Variants in LRRTM3 observed in about 807,000 individuals in gnomAD.
The protein encoded by LRRTM3 is leucine rich repeat transmembrane neuronal 3, also known as leucine-rich repeat transmembrane neuronal protein 3.
LRRTM3 carries 24 observed loss-of-function variants against 44.7 expected under a neutral mutation model. That is an observed-to-expected ratio of 0.54 (90% CI 0.39 to 0.76). The LOEUF (loss-of-function observed/expected upper bound fraction) is 0.76, where lower values mean the gene tolerates loss of function less well. Among genes scored for constraint, LRRTM3 ranks in the 30% least tolerant of loss-of-function variants. The probability of loss-of-function intolerance (pLI) is 0.00; values close to 1 mark genes in which losing one functional copy is unlikely to be tolerated. For missense variants in LRRTM3, 587 were observed against 702.2 expected (o/e 0.84, Z 1.85); for synonymous variants, 277 against 278.7 (o/e 0.99, Z 0.06).
chr10:67,080,564 T>C (rs1056313425), intron 2 of LRRTM3, among the ~76,000 whole-genome samples: 1 of 152,144 alleles, frequency 6.6e-6, no homozygotes, highest in African/African-American at 2.4e-5. Flanking sequence ...GCTTGCTTAT[T>C]GGATTTATTC....
At position 66,989,008 on chromosome 10, in the gene LRRTM3, A is replaced by G. The variant is rs932635606; in HGVS notation, c.1536+60556A>G. Among the ~76,000 whole-genome samples the G allele has an allele frequency of 2.6e-5, 4 of 152,016 alleles. No homozygotes were observed. The South Asian group carries it at 8.3e-4, about 32-fold the overall frequency. On this transcript the variant is annotated intron_variant, in intron 2 of 2. Coordinates refer to ENST00000361320, the MANE Select transcript of LRRTM3 (RefSeq NM_178011.5). ...GATGTTTCCTCTCACTTAAAAAAAAAAAATCCCTTTTCTACCTCTCTTTTA... is the reference window on the plus strand; with the variant it reads ...GATGTTTCCTCTCACTTAAAAAAAAGAAATCCCTTTTCTACCTCTCTTTTA...
intron 2 of LRRTM3, among the ~76,000 whole-genome samples, chr10:66,941,500 C>T (rs1270688561): frequency 6.6e-6 from 1 of 152,120 alleles, no homozygotes; most frequent in Non-Finnish European, 1.5e-5. Context: ...GGAATCTTCA[C>T]CTCTTTCCTT....
At chr10:67,027,589 C>T (rs1234408972) in intron 2 of LRRTM3, among the ~76,000 whole-genome samples, 1 of 151,926 alleles carries the variant, frequency 6.6e-6, no homozygotes, top group Non-Finnish European at 1.5e-5. Context: ...TGTGCGCCAC[C>T]ATGCCCAGCT....
At chr10:67,041,294 T>C (rs1854378201) in intron 2 of LRRTM3, among the ~76,000 whole-genome samples, 1 of 152,112 alleles carries the variant, frequency 6.6e-6, no homozygotes, top group Non-Finnish European at 1.5e-5. Context: ...CTTCCAGCCT[T>C]ATGGAGAGTT....
intron 2 of LRRTM3, among the ~76,000 whole-genome samples, chr10:66,935,111 C>T (rs969725935): frequency 7.2e-5 from 11 of 152,064 alleles, no homozygotes; most frequent in Non-Finnish European, 1.3e-4. Flanking sequence ...AAAGAATATG[C>T]TTACCAACAG....
chr10:66,941,029 GA>G (rs1040816259), intron 2 of LRRTM3, among the ~76,000 whole-genome samples: 2 of 152,112 alleles, frequency 1.3e-5, no homozygotes, highest in Admixed American at 6.5e-5. Context: ...ATAAAAAAAA[GA>G]AAGCCCAACA....
intron 2 of LRRTM3, among the ~76,000 whole-genome samples, chr10:67,001,569 A>G (rs1851695196): frequency 1.3e-5 from 2 of 152,054 alleles, no homozygotes; most frequent in South Asian, 4.1e-4. Flanking sequence ...AAAAAACCTT[A>G]TAATATATCA....
intron 2 of LRRTM3, among the ~76,000 whole-genome samples, chr10:66,985,716 G>A (rs1850691043): frequency 6.6e-6 from 1 of 151,994 alleles, no homozygotes; most frequent in African/African-American, 2.4e-5. Context: ...CATTCTTTCT[G>A]TTTGTTTATT....
intron 2 of LRRTM3, among the ~76,000 whole-genome samples, chr10:67,004,090 TAA>T (rs533856596): frequency 1.4e-5 from 2 of 145,390 alleles, no homozygotes; most frequent in Non-Finnish European, 3.0e-5. Flanking sequence ...ATTTTGATGT[TAA>T]AAAAAAAAAG....
intron 2 of LRRTM3, among the ~76,000 whole-genome samples, chr10:66,938,040 A>C (rs1041267280): frequency 6.6e-6 from 1 of 152,084 alleles, no homozygotes; most frequent in African/African-American, 2.4e-5. Flanking sequence ...TGCATGATAG[A>C]TGTTGTTGAA....
intron 2 of LRRTM3, among the ~76,000 whole-genome samples, chr10:67,062,953 T>C (rs1012282197): frequency 6.6e-6 from 1 of 152,164 alleles, no homozygotes; most frequent in Non-Finnish European, 1.5e-5. Context: ...CTCTCTCATA[T>C]GCTGAGAGTT....
chr10:66,960,123 C>T (rs1394293314), intron 2 of LRRTM3, among the ~76,000 whole-genome samples: 3 of 152,094 alleles, frequency 2.0e-5, no homozygotes, highest in Non-Finnish European at 4.4e-5. Flanking sequence ...TTTCTCTCCT[C>T]TTTCCTCAAG....
At chr10:66,953,349 T>C (rs1848632565) in intron 2 of LRRTM3, among the ~76,000 whole-genome samples, 1 of 152,210 alleles carries the variant, frequency 6.6e-6, no homozygotes, top group Non-Finnish European at 1.5e-5. Flanking sequence ...TCTTCCCTAG[T>C]AAATGCTCAC....
chr10:67,072,024 C>T (rs772224033), intron 2 of LRRTM3, among the ~76,000 whole-genome samples: 3 of 152,214 alleles, frequency 2.0e-5, no homozygotes, highest in Admixed American at 6.5e-5. Context: ...ACGATCTCAG[C>T]GCACTGCAAT....
chr10:67,026,459 T>C (rs191444021), intron 2 of LRRTM3, among the ~76,000 whole-genome samples: 2 of 151,878 alleles, frequency 1.3e-5, no homozygotes, highest in Non-Finnish European at 2.9e-5. Context: ...CAAAATAATA[T>C]AACAAAACAA....
chr10:67,091,101 T>C (rs998646338), intron 2 of LRRTM3, among the ~76,000 whole-genome samples: 1 of 151,940 alleles, frequency 6.6e-6, no homozygotes, highest in Non-Finnish European at 1.5e-5. Flanking sequence ...TACCAGCCTG[T>C]ATATAAAGGT....
At chr10:67,039,213 G>A (rs1051327671) in intron 2 of LRRTM3, among the ~76,000 whole-genome samples, 4 of 152,026 alleles carry the variant, frequency 2.6e-5, no homozygotes, top group Non-Finnish European at 4.4e-5. Context: ...ACTGTAACTC[G>A]AGGAAAATTA....
At chr10:66,968,064 G>A (rs973795213) in intron 2 of LRRTM3, among the ~76,000 whole-genome samples, 2 of 151,996 alleles carry the variant, frequency 1.3e-5, no homozygotes, top group Non-Finnish European at 2.9e-5. Context: ...GTTACCACTT[G>A]GAAGTAGTTC....
Position 67,063,682 on chromosome 10 carries a change from G to A in LRRTM3, c.1537-33905G>A, listed in dbSNP as rs551218680. 3.9e-5 allele frequency among the ~76,000 whole-genome samples: 6 copies of A among 152,294 alleles called. No individual in the cohort carries two copies. In the East Asian group the frequency reaches 7.7e-4, roughly 20 times the overall value. The stretch of plus-strand genomic sequence containing the variant: ...GAATAAATACTTAGACACCTAATAC[G>A]TATGAAGTCACACAGATAATTGGCA... On this transcript the variant is annotated intron_variant, in intron 2 of 2. Transcript: ENST00000361320.
Sources: allele counts gnomAD v4.1 joint callset (sites outside exome capture counted in the v4.1 genomes callset), GRCh38; gene constraint gnomAD v4.1.1; transcripts MANE v1.5; gene names NCBI Gene and HGNC (gene_info 2026-07-23, HGNC 2026-07-21).